Variants in CDH13 observed in about 807,000 individuals in gnomAD.
The protein encoded by CDH13 is cadherin 13, also known as cadherin-13.
In CDH13, 24 loss-of-function variants were observed where a neutral mutation model predicts 63.8. That is an observed-to-expected ratio of 0.38 (90% CI 0.27 to 0.53). CDH13 has a LOEUF of 0.53. CDH13 is among the 20% of genes least tolerant of loss of function. The probability of loss-of-function intolerance (pLI) is 0.85; values close to 1 mark genes in which losing one functional copy is unlikely to be tolerated. For missense variants in CDH13, 1,049 were observed against 903.1 expected (o/e 1.16, Z -2.07); for synonymous variants, 503 against 355.3 (o/e 1.42, Z -4.67).
chr16:83,710,658 C>T (rs145919895), intron 10 of CDH13: 10 of 152,238 alleles, frequency 6.6e-5, no homozygotes, highest in African/African-American at 1.9e-4. Context: ...CATAAGACCT[C>T]GAGAAATTGA....
intron 6 of CDH13, among the ~76,000 whole-genome samples, chr16:83,403,880 T>C (rs1360430619): frequency 6.6e-6 from 1 of 152,130 alleles, no homozygotes; most frequent in Non-Finnish European, 1.5e-5. Context: ...TGATTTACAA[T>C]AAAAGAATGC....
intron 6 of CDH13, among the ~76,000 whole-genome samples, chr16:83,406,417 T>TC (rs61149137): frequency 0.012 from 1,788 of 144,360 alleles, 42 homozygotes; most frequent in African/African-American, 0.035. Flanking sequence ...TCTCTTTCTT[T>TC]CCCCCCCCGC....
intron 3 of CDH13, among the ~76,000 whole-genome samples, chr16:83,091,270 GA>G (rs539644774): frequency 0.018 from 2,598 of 143,090 alleles, 71 homozygotes; most frequent in African/African-American, 0.062. Context: ...TCTGCTATCA[GA>G]AAAAAAAAAA....
intron 7 of CDH13, among the ~76,000 whole-genome samples, chr16:83,530,541 G>C (rs1395093595): frequency 6.6e-6 from 1 of 152,160 alleles, no homozygotes; most frequent in African/African-American, 2.4e-5. Flanking sequence ...GCAATTGTTA[G>C]GATTAATGGT....
At chr16:82,915,033 T>C (rs960336911) in intron 2 of CDH13, among the ~76,000 whole-genome samples, 1 of 152,238 alleles carries the variant, frequency 6.6e-6, no homozygotes, top group Non-Finnish European at 1.5e-5. Flanking sequence ...GTCTAAACTT[T>C]CACTGAATCC....
At chr16:83,690,727 T>C in intron 10 of CDH13, among the ~76,000 whole-genome samples, 1 of 152,014 alleles carries the variant, frequency 6.6e-6, no homozygotes, top group East Asian at 1.9e-4. Context: ...TTGTTGTTGT[T>C]GTTTTTATTT....
intron 4 of CDH13, among the ~76,000 whole-genome samples, chr16:83,173,647 C>A (rs542883730): frequency 3.9e-5 from 6 of 152,156 alleles, no homozygotes; most frequent in Non-Finnish European, 5.9e-5. Flanking sequence ...TTTACTAGGG[C>A]GTTCTGTATT....
chr16:83,290,161 C>T (rs1450074363), intron 5 of CDH13, among the ~76,000 whole-genome samples: 1 of 152,196 alleles, frequency 6.6e-6, no homozygotes, highest in Non-Finnish European at 1.5e-5. Context: ...TCATTCTCCT[C>T]CTTGCTGCTG....
intron 2 of CDH13, among the ~76,000 whole-genome samples, chr16:82,939,474 G>T (rs1355109523): frequency 6.8e-6 from 1 of 146,988 alleles, no homozygotes; most frequent in Non-Finnish European, 1.5e-5. Context: ...AGGGAGAGAG[G>T]GAGGGAGGGA....
chr16:83,285,510 G>GA lies in CDH13; in HGVS notation c.637-59343dup, dbSNP rs149302851. The stretch of plus-strand genomic sequence containing the variant: ...CAACCAGTGATGGAAAATATTCAGG[G>GA]AAAAAAAAACAGTAAAAATAACACC... On this transcript the variant is annotated intron_variant, in intron 5 of 13. Transcript: ENST00000567109. Among the ~76,000 whole-genome samples, 1,441 of 147,096 alleles carry GA rather than the reference G, an allele frequency of 9.8e-3. 23 individuals carry two copies. The highest frequency in any genetic ancestry group is 0.033 in the African/African-American group (1,338 of 39,966).
At chr16:82,663,159 C>T (rs1360654439) in intron 1 of CDH13, among the ~76,000 whole-genome samples, 2 of 152,072 alleles carry the variant, frequency 1.3e-5, no homozygotes, top group African/African-American at 4.8e-5. Flanking sequence ...ACTGAAGTGG[C>T]CCTTAGCCTC....
intron 9 of CDH13, among the ~76,000 whole-genome samples, chr16:83,673,408 A>C (rs1914687391): frequency 1.3e-5 from 2 of 151,838 alleles, no homozygotes; most frequent in African/African-American, 2.4e-5. Flanking sequence ...GACCTATAAC[A>C]CTTGGGGGTG....
chr16:83,687,912 C>T (rs1288217128), intron 10 of CDH13, among the ~76,000 whole-genome samples: 1 of 152,230 alleles, frequency 6.6e-6, no homozygotes, highest in East Asian at 1.9e-4. Flanking sequence ...TCTTTGAAAA[C>T]TACAACTGCT....
At chr16:82,750,803 A>G (rs1446584139) in intron 1 of CDH13, among the ~76,000 whole-genome samples, 6 of 152,088 alleles carry the variant, frequency 3.9e-5, no homozygotes, top group African/African-American at 1.4e-4. Context: ...CCAACAGCCT[A>G]GGCAAAGACT....
At chr16:82,755,814 A>C (rs1248483856) in intron 1 of CDH13, among the ~76,000 whole-genome samples, 1 of 152,220 alleles carries the variant, frequency 6.6e-6, no homozygotes, top group Non-Finnish European at 1.5e-5. Flanking sequence ...GGATTTAGGC[A>C]TTTGTTTTGG....
chr16:82,740,144 A>G (rs13337229), intron 1 of CDH13, among the ~76,000 whole-genome samples: 9,901 of 151,912 alleles, frequency 0.065, 1,071 homozygotes, highest in African/African-American at 0.23. Context: ...ACAAAGATGT[A>G]AATATTCTTA....
intron 4 of CDH13, among the ~76,000 whole-genome samples, chr16:83,148,847 C>G (rs1196605468): frequency 6.6e-6 from 1 of 151,774 alleles, no homozygotes; most frequent in African/African-American, 2.4e-5. Flanking sequence ...TTTTTAAAGA[C>G]CGCTTTCAGC....
intron 5 of CDH13, among the ~76,000 whole-genome samples, chr16:83,240,165 C>T (rs1481263243): frequency 1.3e-5 from 2 of 151,988 alleles, no homozygotes; most frequent in African/African-American, 2.4e-5. Flanking sequence ...TGTTGGTGTA[C>T]CCCTCATTTC....
At chr16:82,747,005 A>G (rs1640907278) in intron 1 of CDH13, among the ~76,000 whole-genome samples, 1 of 152,192 alleles carries the variant, frequency 6.6e-6, no homozygotes, top group Non-Finnish European at 1.5e-5. Context: ...GTTGAATTGA[A>G]TTGTTAGATT....
Sources: allele counts gnomAD v4.1 joint callset (sites outside exome capture counted in the v4.1 genomes callset), GRCh38; gene constraint gnomAD v4.1.1; transcripts MANE v1.5; gene names NCBI Gene and HGNC (gene_info 2026-07-23, HGNC 2026-07-21).